Variants in SH2B1 observed in about 807,000 individuals in gnomAD.
SH2B1 encodes SH2B adaptor protein 1.
SH2B1 carries 15 observed loss-of-function variants against 62.6 expected under a neutral mutation model. The observed-to-expected ratio is 0.24, with a 90% CI of 0.16 to 0.37. SH2B1 has a LOEUF of 0.37. Among genes scored for constraint, SH2B1 ranks in the 10% least tolerant of loss-of-function variants. SH2B1 has a pLI of 1.00. For missense variants in SH2B1, 925 were observed against 1,015.6 expected, an observed-to-expected ratio of 0.91 and a Z score of 1.21; for synonymous variants, 443 against 438.0, an observed-to-expected ratio of 1.01 and a Z score of -0.14.
intron 2 of SH2B1, among the ~76,000 whole-genome samples, chr16:28,868,074 A>G (rs1383958052): frequency 6.6e-6 from 1 of 152,094 alleles, no homozygotes; most frequent in Non-Finnish European, 1.5e-5. Flanking sequence ...GATCCACCCC[A>G]CTTGGCCTCC....
Position 28,872,803 on chromosome 16 carries a change from AG to A in SH2B1, c.1897+100del. 1 of 1,489,102 alleles carries A rather than the reference AG, an allele frequency of 6.7e-7. No homozygotes were observed. The highest frequency in any genetic ancestry group is 1.9e-5 in the Admixed American group (1 of 52,114). 92.2% of individuals were successfully genotyped at this position (1,489,102 alleles called of 1,614,324 possible). ...GGGGCGGGGAGGGGGGACTATCACA[AG>A]GAGAAGCTTTGCTTGGGAGAGCAGG... On this transcript the variant is annotated intron_variant, in intron 7 of 7. Transcript: ENST00000684370. The surrounding 1 kb of genome is among the most constrained non-coding windows in gnomAD (Gnocchi z 5.3).
chr16:28,850,374 A>C (rs1392568625), intron 1 of SH2B1, among the ~76,000 whole-genome samples: 1 of 152,176 alleles, frequency 6.6e-6, no homozygotes, highest in Non-Finnish European at 1.5e-5. Context: ...GCCTGGGCAA[A>C]ATAGTGAGAC....
chr16:28,866,753 C>T lies in SH2B1; in HGVS notation c.659C>T (p.Pro220Leu). The T allele has an allele frequency of 6.3e-7, 1 of 1,578,332 alleles. No individual in the cohort carries two copies. The highest frequency in any genetic ancestry group is 8.6e-7 in the Non-Finnish European group (1 of 1,163,444). ...GRGLVSDGTS[P>L]GERWTHRFER... is the part of the protein sequence containing the mutation. ...GGACTGGTCAGTGATGGAACGTCCC[C>T]TGGGGAAAGATGGACTCACCGTTTT... is the stretch of plus-strand genomic sequence containing the variant. Residue 220 changes from proline (P) to leucine (L), a missense_variant, in exon 1 of 8, where the codon CCT becomes CTT. Physicochemically the swap from Pro to Leu is moderately conservative, Grantham distance 98. Transcript: ENST00000684370. This position sits in a 1 kb window ranked among gnomAD's most constrained non-coding sequence, Gnocchi z 6.3.
chr16:28,852,735 C>A (rs984602197), intron 1 of SH2B1, among the ~76,000 whole-genome samples: 1 of 30,476 alleles, frequency 3.3e-5, no homozygotes, highest in South Asian at 1.0e-3. Context: ...TATATATATA[C>A]ATATATATAT....
Position 28,864,995 on chromosome 16 carries a change from T to TGG in SH2B1, c.-1100_-1099insGG, listed in dbSNP as rs1962607065. ...GAGAGGACGTGGAATTTGTTCAAGA[T>TGG]AACATCGCTCATAAGGTGGCTGGAC... On this transcript the variant is annotated 5_prime_UTR_variant, in exon 1 of 8. The change creates a new upstream start codon in the 5' untranslated region. Coordinates refer to ENST00000684370, the MANE Select transcript of SH2B1 (RefSeq NM_001387430.1). 1.5e-6 allele frequency: 1 copy of TGG among 672,070 alleles called. No individual in the cohort carries two copies. Among genetic ancestry groups the TGG allele is most frequent in the African/African-American group, 2.0e-5 (1 of 51,078 alleles). 41.6% of individuals were successfully genotyped at this position (672,070 alleles called of 1,614,324 possible).
At chr16:28,859,794 ATTGT>A (rs1176556349), upstream of SH2B1, among the ~76,000 whole-genome samples, 1 of 150,976 alleles carries the variant, frequency 6.6e-6, no homozygotes, top group African/African-American at 2.4e-5. Context: ...TCAAATCAAC[ATTGT>A]TTGAGCCTCT....
chr16:28,873,677 C>T lies in SH2B1; in HGVS notation c.2128C>T (p.Pro710Ser), dbSNP rs1420701193. The T allele has an allele frequency of 6.6e-7, 1 of 1,523,038 alleles. No homozygotes were observed. Among genetic ancestry groups the T allele is most frequent in the Non-Finnish European group, 8.8e-7 (1 of 1,132,920 alleles). 94.3% of individuals were successfully genotyped at this position (1,523,038 alleles called of 1,614,324 possible). ...GGTTGAATTGGAAGAGGCCATAGCCCCAGGCTCAGAGGCCCAGGGCGCTGG... is the reference window on the plus strand; with the variant it reads ...GGTTGAATTGGAAGAGGCCATAGCCTCAGGCTCAGAGGCCCAGGGCGCTGG... ...PVVELEEAIA[P>S]GSEAQGAGSG... Residue 710 changes from proline (P) to serine (S), a missense_variant, in exon 8 of 8, where the codon CCA (proline) becomes TCA (serine). Physicochemically the swap from Pro to Ser is moderately conservative, Grantham distance 74 (BLOSUM62 -1). Around this residue, in one of 3 missense-constraint regions of SH2B1, gnomAD observed 185 missense variants for 189.5 expected, o/e 0.98. Coordinates refer to ENST00000684370, the MANE Select transcript of SH2B1 (RefSeq NM_001387430.1). The surrounding 1 kb of genome is among the most constrained non-coding windows in gnomAD (Gnocchi z 4.2).
chr16:28,852,637 CAT>C lies in SH2B1; in HGVS notation c.-301+5817_-301+5818del, dbSNP rs1357693476. ...ACACATATATATTTATATATATACA[CAT>C]ATATATTTATATATATACACATATA... On this transcript the variant is annotated intron_variant, in intron 1 of 10. Coordinates refer to the SH2B1 transcript ENST00000322610. Among the ~76,000 whole-genome samples, 21 of 39,402 alleles carry C rather than the reference CAT, an allele frequency of 5.3e-4. 1 individual carries two copies. The highest frequency in any genetic ancestry group is 4.6e-3 in the Admixed American group (9 of 1,940). The allele number at this position is 39,402 out of a possible 152,430, so 25.8% of individuals were successfully genotyped here.
chr16:28,855,130 T>A (rs1166434813), intron 1 of SH2B1, among the ~76,000 whole-genome samples: 1 of 151,942 alleles, frequency 6.6e-6, no homozygotes, highest in Non-Finnish European at 1.5e-5. Context: ...CACCTTGGCC[T>A]CTGAAGGTGC....
chr16:28,853,236 T>TATAC (rs1962247992), intron 1 of SH2B1, among the ~76,000 whole-genome samples: 1 of 144,186 alleles, frequency 6.9e-6, no homozygotes, highest in Non-Finnish European at 1.5e-5. Context: ...TAAATATATA[T>TATAC]ATATATATGC....
Position 28,872,033 on chromosome 16 carries a change from C to G in SH2B1, c.1513+50C>G. 2 of 1,357,618 alleles carry G rather than the reference C, an allele frequency of 1.5e-6. No homozygotes were observed. Among genetic ancestry groups the G allele is most frequent in the Non-Finnish European group, 2.1e-6 (2 of 948,380 alleles). The allele number at this position is 1,357,618 out of a possible 1,614,324, so 84.1% of individuals were successfully genotyped here. On this transcript the variant is annotated intron_variant, in intron 5 of 7. Transcript: ENST00000684370. The surrounding 1 kb of genome is among the most constrained non-coding windows in gnomAD (Gnocchi z 5.3). Reference sequence around the variant, plus strand: ...TCTCCAGGCCTGGGTGCCTACCTTCCTGACCACCTCTCCTGGGATCCCGAG... The same window carrying G: ...TCTCCAGGCCTGGGTGCCTACCTTCGTGACCACCTCTCCTGGGATCCCGAG...
Position 28,866,752 on chromosome 16 carries a change from C to T in SH2B1, c.658C>T (p.Pro220Ser). The change falls in exon 1 of 8, where the codon CCT (proline) becomes TCT (serine). Residue 220 changes from proline to serine, a missense_variant. By Grantham distance (74) the Pro-to-Ser change is moderately conservative. Around this residue, in one of 3 missense-constraint regions of SH2B1, gnomAD observed 683 missense variants for 704.0 expected, o/e 0.97. Coordinates refer to ENST00000684370, the MANE Select transcript of SH2B1 (RefSeq NM_001387430.1). The surrounding 1 kb of genome is among the most constrained non-coding windows in gnomAD (Gnocchi z 6.3). Reference sequence around the variant, plus strand: ...GGGACTGGTCAGTGATGGAACGTCCCCTGGGGAAAGATGGACTCACCGTTT... The same window carrying T: ...GGGACTGGTCAGTGATGGAACGTCCTCTGGGGAAAGATGGACTCACCGTTT... The part of the protein sequence containing the change: ...GRGLVSDGTS[P>S]GERWTHRFER... 6.3e-7 allele frequency: 1 copy of T among 1,578,090 alleles called. No individual in the cohort carries two copies. Among genetic ancestry groups the T allele is most frequent in the Non-Finnish European group, 8.6e-7 (1 of 1,163,342 alleles).
chr16:28,857,799 G>GGA (rs1962355164), intron 1 of SH2B1, among the ~76,000 whole-genome samples: 1 of 151,430 alleles, frequency 6.6e-6, no homozygotes, highest in African/African-American at 2.4e-5. Flanking sequence ...GAGTGCAGTG[G>GGA]CGCAATCTCG....
intron 1 of SH2B1, among the ~76,000 whole-genome samples, chr16:28,854,855 C>T (rs1345197847): frequency 6.6e-6 from 1 of 152,140 alleles, no homozygotes; most frequent in Non-Finnish European, 1.5e-5. Flanking sequence ...TTTCCTCACT[C>T]CCCTGGCTGC....
intron 4 of SH2B1, 77 bp from the exon 5 acceptor site, chr16:28,871,695 AGACTGCTG>A (rs974955962): frequency 9.3e-7 from 1 of 1,080,632 alleles, no homozygotes; most frequent in African/African-American, 1.6e-5. Context: ...CACACAGGGT[AGACTGCTG>A]GTGAGGAGAT....
At position 28,873,758 on chromosome 16, in the gene SH2B1, G is replaced by C. The variant is rs1031293583; in HGVS notation, c.2209G>C (p.Gly737Arg). 21 of 1,477,460 alleles carry C rather than the reference G, an allele frequency of 1.4e-5. No individual in the cohort carries two copies. Among genetic ancestry groups the C allele is most frequent in the Non-Finnish European group, 1.9e-5 (21 of 1,114,756 alleles). 91.5% of individuals were successfully genotyped at this position (1,477,460 alleles called of 1,614,324 possible). A position where few individuals can be genotyped will look rare whatever the true frequency, so the allele number is the denominator to read the frequency against. The part of the protein sequence containing the change: ...PMVQLQQSPL[G>R]GDGEEGGHPR... ...GGTGCAGCTGCAGCAGTCACCACTA[G>C]GGGGTGATGGAGAGGAAGGGGGCCA... is the stretch of plus-strand genomic sequence containing the variant. The change falls in exon 8 of 8, where the codon GGG (glycine) becomes CGG (arginine). Residue 737 changes from glycine to arginine, a missense_variant. Coordinates refer to ENST00000684370, the MANE Select transcript of SH2B1 (RefSeq NM_001387430.1). This position sits in a 1 kb window ranked among gnomAD's most constrained non-coding sequence, Gnocchi z 4.2.
upstream of SH2B1, chr16:28,863,611 G>C: frequency 7.0e-7 from 1 of 1,431,366 alleles, no homozygotes. Flanking sequence ...TTTCCTCCGG[G>C]AGGACGCTCT....
intron 1 of SH2B1, among the ~76,000 whole-genome samples, chr16:28,858,265 C>G (rs906584822): frequency 2.0e-5 from 3 of 151,992 alleles, no homozygotes; most frequent in African/African-American, 7.2e-5. Flanking sequence ...GTAATCCCAG[C>G]ATTTTGGGAG....
Position 28,852,869 on chromosome 16 carries a change from T to TATATATTTTTATATATATTTAC in SH2B1, c.-301+6060_-301+6081dup, listed in dbSNP as rs1434291050. On this transcript the variant is annotated intron_variant, in intron 1 of 10. Coordinates refer to the SH2B1 transcript ENST00000322610. Reference sequence around the variant, plus strand: ...ATATATATTTTTATATATATTTACATATATATTTTTATATATATTTACATA... The same window carrying TATATATTTTTATATATATTTAC: ...ATATATATTTTTATATATATTTACATATATATTTTTATATATATTTACATATATTTTTATATATATTTACATA... Among the ~76,000 whole-genome samples, 7 of 82,670 alleles carry TATATATTTTTATATATATTTAC rather than the reference T, an allele frequency of 8.5e-5. 1 individual carries two copies. Among genetic ancestry groups the TATATATTTTTATATATATTTAC allele is most frequent in the South Asian group, 3.6e-4 (1 of 2,740 alleles). 54.2% of individuals were successfully genotyped at this position (82,670 alleles called of 152,430 possible).
Sources: allele counts gnomAD v4.1 joint callset (sites outside exome capture counted in the v4.1 genomes callset), GRCh38; gene constraint gnomAD v4.1.1; regional missense constraint gnomAD v4.1.1; non-coding constraint Gnocchi (gnomAD v3.1); transcripts MANE v1.5; gene names NCBI Gene and HGNC (gene_info 2026-07-23, HGNC 2026-07-21).